The following TWIST2 variants were observed in gnomAD, a reference collection of about 807,000 sequenced individuals.
TWIST2 encodes the protein twist-related protein 2.
A neutral mutation model predicts 11.6 loss-of-function variants in TWIST2; 1 was observed. That is an observed-to-expected ratio of 0.09 (90% CI 0.03 to 0.41). TWIST2 has a LOEUF of 0.41. TWIST2 is among the 10% of genes least tolerant of loss of function. TWIST2 has a pLI of 0.98. For missense variants in TWIST2, 168 were observed against 226.4 expected (o/e 0.74, Z 1.66); for synonymous variants, 87 against 96.6 (o/e 0.90, Z 0.58).
intron 1 of TWIST2, among the ~76,000 whole-genome samples, chr2:238,894,573 A>G (rs1172326283): frequency 6.6e-6 from 1 of 152,114 alleles, no homozygotes; most frequent in African/African-American, 2.4e-5. Context: ...GAGAGATCTG[A>G]TGGTGTCTGT....
rs1210331124 is a variant in TWIST2, at chr2:238,863,431, C to T, written c.*35+14698C>T. Among the ~76,000 whole-genome samples the T allele has an allele frequency of 2.0e-5, 3 of 152,166 alleles. No homozygotes were observed. The highest frequency in any genetic ancestry group is 4.8e-5 in the African/African-American group (2 of 41,462). ...AGGATGCACCCGGAATGTACCAGCG[C>T]GGCTCCCTGATGGAGCTGGCGACGT... On this transcript the variant is annotated intron_variant, in intron 1 of 1. Transcript: ENST00000612363. The surrounding 1 kb of genome is among the most constrained non-coding windows in gnomAD (Gnocchi z 4.7).
intron 1 of TWIST2, among the ~76,000 whole-genome samples, chr2:238,876,234 A>G (rs1692803858): frequency 6.6e-6 from 1 of 152,234 alleles, no homozygotes. Context: ...CAGCCTCTGC[A>G]GAGGGCACTA....
chr2:238,870,253 C>T (rs867696848), intron 1 of TWIST2, among the ~76,000 whole-genome samples: 3 of 5,092 alleles, frequency 5.9e-4, no homozygotes, highest in East Asian at 1.7e-3. Flanking sequence ...CCACACACCC[C>T]ACACACAAGC....
intron 1 of TWIST2, among the ~76,000 whole-genome samples, chr2:238,880,964 TGTTA>T (rs1221947237): frequency 1.1e-5 from 1 of 93,758 alleles, no homozygotes; most frequent in Non-Finnish European, 2.1e-5. Context: ...TTAATGTTAG[TGTTA>T]GTATTTATTA....
intron 1 of TWIST2, among the ~76,000 whole-genome samples, chr2:238,895,707 G>A (rs961410837): frequency 7.9e-5 from 12 of 152,300 alleles, no homozygotes; most frequent in African/African-American, 2.4e-4. Flanking sequence ...AGATCCTGAC[G>A]GACCGGTCAG....
At chr2:238,897,218 G>T (rs1420196747) in intron 1 of TWIST2, among the ~76,000 whole-genome samples, 1 of 151,616 alleles carries the variant, frequency 6.6e-6, no homozygotes, top group Non-Finnish European at 1.5e-5. Context: ...CTTCTCCCTT[G>T]GTTGCAGACG....
At chr2:238,865,690 CT>C (rs376708742) in intron 1 of TWIST2, among the ~76,000 whole-genome samples, 62,594 of 146,726 alleles carry the variant, frequency 0.43, 13,995 homozygotes, top group African/African-American at 0.59. Flanking sequence ...TCTTTTGGAA[CT>C]TTTTTTTTTT....
intron 1 of TWIST2, among the ~76,000 whole-genome samples, chr2:238,849,725 A>G (rs1049099647): frequency 7.9e-5 from 12 of 152,182 alleles, no homozygotes; most frequent in African/African-American, 2.9e-4. Flanking sequence ...AAGAGCGATT[A>G]GGGCGTCCTG....
intron 1 of TWIST2, among the ~76,000 whole-genome samples, chr2:238,894,700 T>TGAG (rs1693187427): frequency 1.0e-3 from 158 of 152,254 alleles, no homozygotes; most frequent in African/African-American, 3.8e-3. Context: ...CCTTCCTGGC[T>TGAG]GTGCCTCCCA....
At chr2:238,904,174 A>G (rs1193477734) in intron 1 of TWIST2, among the ~76,000 whole-genome samples, 251 of 3,412 alleles carry the variant, frequency 0.074, no homozygotes, top group Non-Finnish European at 0.077. Flanking sequence ...GTGTGATGTG[A>G]GGTGTGTGTG....
chr2:238,867,370 A>ACACACAC lies in TWIST2; in HGVS notation c.*35+18637_*35+18638insCACACAC, dbSNP rs1334777452. On this transcript the variant is annotated intron_variant, in intron 1 of 1. Coordinates refer to ENST00000612363, the MANE Select transcript of TWIST2 (RefSeq NM_001271893.4). This position sits in a 1 kb window ranked among gnomAD's most constrained non-coding sequence, Gnocchi z 4.8. ...CTGGGGAGTAAAATGTCCTGCCTTC[A>ACACACAC]ACACACACACACACACACACACACA... 1.7e-5 allele frequency among the ~76,000 whole-genome samples: 2 copies of ACACACAC among 119,634 alleles called. No homozygotes were observed. The highest frequency in any genetic ancestry group is 3.4e-5 in the Non-Finnish European group (2 of 58,886). The allele number at this position is 119,634 out of a possible 152,430, so 78.5% of individuals were successfully genotyped here. A position where few individuals can be genotyped will look rare whatever the true frequency, so the allele number is the denominator to read the frequency against.
At chr2:238,892,068 G>T (rs34542049) in intron 1 of TWIST2, among the ~76,000 whole-genome samples, 55,078 of 152,006 alleles carry the variant, frequency 0.36, 10,402 homozygotes, top group Admixed American at 0.42. Flanking sequence ...GTTATGTGCC[G>T]GTGTGTGGAC....
chr2:238,897,379 G>A (rs1187706272), intron 1 of TWIST2, among the ~76,000 whole-genome samples: 1 of 152,132 alleles, frequency 6.6e-6, no homozygotes, highest in African/African-American at 2.4e-5. Flanking sequence ...GCCAGGAGGA[G>A]GGGAGCCTGA....
chr2:238,902,978 T>TA (rs1693293782), intron 1 of TWIST2, among the ~76,000 whole-genome samples: 1 of 27,834 alleles, frequency 3.6e-5, no homozygotes. Context: ...GTGTGTGATG[T>TA]GGGTGTGTGA....
At chr2:238,908,662 GTA>G (rs1380765146) in intron 1 of TWIST2, among the ~76,000 whole-genome samples, 1 of 152,168 alleles carries the variant, frequency 6.6e-6, no homozygotes, top group Non-Finnish European at 1.5e-5. Flanking sequence ...TATGTATGTG[GTA>G]TGTTTGTGCA....
intron 1 of TWIST2, among the ~76,000 whole-genome samples, chr2:238,894,403 C>T (rs1248140646): frequency 2.6e-5 from 4 of 152,184 alleles, no homozygotes; most frequent in African/African-American, 9.7e-5. Flanking sequence ...CTTGCCACCC[C>T]CACACTCAGC....
chr2:238,896,148 G>T (rs1451926714), intron 1 of TWIST2, among the ~76,000 whole-genome samples: 2 of 152,140 alleles, frequency 1.3e-5, no homozygotes, highest in African/African-American at 4.8e-5. Context: ...TCACGGAGGG[G>T]GGAGAGAGGG....
At chr2:238,853,243 A>T (rs1159329090) in intron 1 of TWIST2, among the ~76,000 whole-genome samples, 1 of 152,240 alleles carries the variant, frequency 6.6e-6, no homozygotes, top group Admixed American at 6.5e-5. Context: ...CTAATTTTAT[A>T]TTAACTTTCA....
intron 1 of TWIST2, among the ~76,000 whole-genome samples, chr2:238,851,727 G>C (rs1023214060): frequency 6.6e-6 from 1 of 152,100 alleles, no homozygotes; most frequent in East Asian, 1.9e-4. Context: ...TCAGTTCTTC[G>C]TGGAGAAGAA....
Sources: gnomAD v4.1 joint callset for allele counts (sites outside exome capture counted in the v4.1 genomes callset) on GRCh38, gnomAD v4.1.1 for gene constraint, Gnocchi (gnomAD v3.1) non-coding constraint, MANE v1.5 for transcripts, NCBI Gene and HGNC (gene_info 2026-07-23, HGNC 2026-07-21) for gene names.